The following FGD4 variants were observed in gnomAD, a reference collection of about 807,000 sequenced individuals.
FGD4 encodes FYVE, RhoGEF and PH domain-containing protein 4.
FGD4 carries 42 observed loss-of-function variants against 102.0 expected under a neutral mutation model. That is an observed-to-expected ratio of 0.41 (90% CI 0.32 to 0.53). The LOEUF (loss-of-function observed/expected upper bound fraction) is 0.53. FGD4 is among the 20% of genes least tolerant of loss of function. The pLI is 0.21. For synonymous variants in FGD4, 380 were observed against 375.7 expected, an observed-to-expected ratio of 1.01 and a Z score of -0.13; for missense variants, 902 against 1,078.2, an observed-to-expected ratio of 0.84 and a Z score of 2.29.
At chr12:32,545,004 T>C (rs1943123775) in intron 1 of FGD4, among the ~76,000 whole-genome samples, 1 of 152,156 alleles carries the variant, frequency 6.6e-6, no homozygotes, top group Admixed American at 6.5e-5. Context: ...CAGTTTTCTT[T>C]CTTAAAGTTC....
chr12:32,620,356 A>G (rs1489321362), intron 11 of FGD4, among the ~76,000 whole-genome samples: 2 of 152,156 alleles, frequency 1.3e-5, no homozygotes, highest in African/African-American at 2.4e-5. Context: ...TACCGCCACC[A>G]TAGTTGCAGG....
intron 4 of FGD4, among the ~76,000 whole-genome samples, chr12:32,583,934 T>A (rs1438768262): frequency 6.6e-6 from 1 of 152,226 alleles, no homozygotes; most frequent in Admixed American, 6.5e-5. Flanking sequence ...CCAACAAGTA[T>A]ATATAAAATA....
intron 1 of FGD4, among the ~76,000 whole-genome samples, chr12:32,463,841 C>T (rs1943176965): frequency 6.6e-6 from 1 of 152,106 alleles, no homozygotes; most frequent in South Asian, 2.1e-4. Flanking sequence ...TGGTTAAAGA[C>T]AAGAGATAAA....
At chr12:32,530,230 C>T (rs1941663376) in intron 1 of FGD4, among the ~76,000 whole-genome samples, 1 of 152,070 alleles carries the variant, frequency 6.6e-6, no homozygotes, top group South Asian at 2.1e-4. Context: ...TGCCTGTAAT[C>T]ACAGCACTTT....
At chr12:32,468,397 C>T (rs951231555) in intron 1 of FGD4, among the ~76,000 whole-genome samples, 5 of 152,076 alleles carry the variant, frequency 3.3e-5, no homozygotes, top group African/African-American at 1.2e-4. Flanking sequence ...ACACAGGAAA[C>T]AGCTCATGTA....
chr12:32,631,739 C>T (rs1057068407), intron 14 of FGD4, among the ~76,000 whole-genome samples: 4 of 152,012 alleles, frequency 2.6e-5, no homozygotes, highest in Admixed American at 1.3e-4. Flanking sequence ...CTCCTGACCT[C>T]GTGATCTGCC....
intron 1 of FGD4, among the ~76,000 whole-genome samples, chr12:32,514,393 C>T (rs565625874): frequency 6.6e-6 from 1 of 152,284 alleles, no homozygotes; most frequent in South Asian, 2.1e-4. Flanking sequence ...TTCCCTCAGC[C>T]ACGTTAGTCT....
chr12:32,431,927 T>C (rs1279913374), intron 1 of FGD4, among the ~76,000 whole-genome samples: 1 of 152,164 alleles, frequency 6.6e-6, no homozygotes, highest in East Asian at 1.9e-4. Flanking sequence ...TTTTAAGTTT[T>C]AAAAAGTATT....
At chr12:32,532,110 T>C (rs553237878) in intron 1 of FGD4, among the ~76,000 whole-genome samples, 6 of 152,328 alleles carry the variant, frequency 3.9e-5, no homozygotes, top group South Asian at 4.1e-4. Flanking sequence ...GTATATATAC[T>C]ATGTTTTCTC....
At chr12:32,596,482 A>ACTATGT (rs1394768843) in intron 4 of FGD4, among the ~76,000 whole-genome samples, 49 of 152,360 alleles carry the variant, frequency 3.2e-4, no homozygotes, top group African/African-American at 1.1e-3. Context: ...AGGTTTGAAT[A>ACTATGT]ACCCTGAATG....
rs767855809 is a variant in FGD4 at position 32,602,321 on chromosome 12, A to G, written c.1404+4A>G. The G allele has an allele frequency of 6.2e-7, 1 of 1,614,066 alleles. No homozygotes were observed. The highest frequency in any genetic ancestry group is 8.5e-7 in the Non-Finnish European group (1 of 1,179,968). ...ATCAGTGGTTGAAGAAATTCAGGTA[A>G]TAGGACTGTTTTGTTCAAAGCTATG... On this transcript the variant is annotated splice_donor_region_variant and intron_variant, in intron 7 of 16. Transcript: ENST00000534526.
chr12:32,421,469 TC>T (rs1203954661), intron 1 of FGD4, among the ~76,000 whole-genome samples: 4 of 152,316 alleles, frequency 2.6e-5, no homozygotes, highest in Non-Finnish European at 5.9e-5. Context: ...AGCATGCTGG[TC>T]TGTAGGATCT....
At chr12:32,479,786 CTTTTTT>C (rs559968024) in intron 1 of FGD4, among the ~76,000 whole-genome samples, 8 of 106,598 alleles carry the variant, frequency 7.5e-5, no homozygotes, top group Non-Finnish European at 1.1e-4. Flanking sequence ...AAGCATTATT[CTTTTTT>C]TTTTTTTTTT....
chr12:32,399,805 G>C lies in FGD4; in HGVS notation c.12G>C (p.Glu4Asp). 6.5e-7 allele frequency: 1 copy of C among 1,531,024 alleles called. No homozygotes were observed. Among genetic ancestry groups the C allele is most frequent in the Non-Finnish European group, 8.7e-7 (1 of 1,145,318 alleles). 94.8% of individuals were successfully genotyped at this position (1,531,024 alleles called of 1,614,324 possible). The change falls in exon 1 of 17, where the codon GAG becomes GAC. Residue 4 changes from glutamate (E) to aspartate (D), a missense_variant. Coordinates refer to ENST00000534526, the MANE Select transcript of FGD4 (RefSeq NM_001370298.3). ...TCGAGCCCGGCAGGATGAGCGACGA[G>C]GGCGGCTCCAACTTCAGGCGGGTGG... is the stretch of plus-strand genomic sequence containing the variant. MSD[E>D]GGSNFRRVAI...
chr12:32,469,573 G>A (rs1184624270), intron 1 of FGD4, among the ~76,000 whole-genome samples: 1 of 151,898 alleles, frequency 6.6e-6, no homozygotes, highest in African/African-American at 2.4e-5. Context: ...GAGCCACCAC[G>A]TCCGGCCATT....
chr12:32,553,782 A>G (rs1943886284), intron 1 of FGD4, among the ~76,000 whole-genome samples: 1 of 152,230 alleles, frequency 6.6e-6, no homozygotes, highest in South Asian at 2.1e-4. Context: ...CATATAAGTT[A>G]GTGATCCTAG....
At chr12:32,496,639 A>G (rs907043790) in intron 1 of FGD4, among the ~76,000 whole-genome samples, 1 of 152,230 alleles carries the variant, frequency 6.6e-6, no homozygotes, top group African/African-American at 2.4e-5. Flanking sequence ...AGATTTGTTA[A>G]TGTAATTAAT....
chr12:32,566,897 C>T (rs2136303720), intron 2 of FGD4, among the ~76,000 whole-genome samples: 1 of 152,204 alleles, frequency 6.6e-6, no homozygotes. Flanking sequence ...TGTGTGTGGT[C>T]CTAACAAGGG....
intron 1 of FGD4, among the ~76,000 whole-genome samples, chr12:32,491,155 A>AAC (rs1158749207): frequency 1.6e-4 from 24 of 151,648 alleles, no homozygotes; most frequent in Admixed American, 2.0e-4. Flanking sequence ...AAAAAACAAA[A>AAC]AACTATAAAA....
Sources: allele counts gnomAD v4.1 joint callset (sites outside exome capture counted in the v4.1 genomes callset), GRCh38; gene constraint gnomAD v4.1.1; transcripts MANE v1.5; gene names NCBI Gene and HGNC (gene_info 2026-07-23, HGNC 2026-07-21).